The following HSD11B1 variants were observed in gnomAD, a reference collection of about 807,000 sequenced individuals.
The protein encoded by HSD11B1 is hydroxysteroid 11-beta dehydrogenase 1.
Under a neutral mutation model 22.1 loss-of-function variants are expected in HSD11B1, and 15 were observed. The ratio of observed to expected loss-of-function variants is 0.68; its 90% CI spans 0.45 to 1.04. HSD11B1 has a LOEUF of 1.04. HSD11B1 is among the 50% of genes least tolerant of loss of function. The probability of loss-of-function intolerance (pLI) is 0.00; values close to 1 mark genes in which losing one functional copy is unlikely to be tolerated. For synonymous variants in HSD11B1, 122 were observed against 125.2 expected, an observed-to-expected ratio of 0.97 and a Z score of 0.17; for missense variants, 281 against 357.6, an observed-to-expected ratio of 0.79 and a Z score of 1.73.
At chr1:209,730,662 T>C (rs1026773949) in intron 4 of HSD11B1, among the ~76,000 whole-genome samples, 6 of 152,198 alleles carry the variant, frequency 3.9e-5, no homozygotes, top group African/African-American at 1.4e-4. Flanking sequence ...TCTAGAATAT[T>C]TTTTGCTATA....
At position 209,734,597 on chromosome 1, in the gene HSD11B1, G is replaced by A. The variant is rs541539060; in HGVS notation, c.*76G>A. The A allele has an allele frequency of 6.4e-6, 7 of 1,090,430 alleles. No homozygotes were observed. The Admixed American group carries it at 1.0e-4, about 16-fold the overall frequency. The allele number at this position is 1,090,430 out of a possible 1,614,324, so 67.5% of individuals were successfully genotyped here. ...CATGTTTATCTGAGCTCTTATCTAT[G>A]AAGACATCTTCCCAGAGTGTCCCCA... On this transcript the variant is annotated 3_prime_UTR_variant, in exon 6 of 6. Coordinates refer to ENST00000367027, the MANE Select transcript of HSD11B1 (RefSeq NM_005525.4).
At chr1:209,691,200 T>C (rs1169423213) in intron 1 of HSD11B1, among the ~76,000 whole-genome samples, 1 of 152,090 alleles carries the variant, frequency 6.6e-6, no homozygotes, top group Non-Finnish European at 1.5e-5. Flanking sequence ...AAAACTTACC[T>C]AGAAATCCTT....
intron 4 of HSD11B1, among the ~76,000 whole-genome samples, chr1:209,722,927 G>A (rs957401068): frequency 2.0e-5 from 3 of 152,158 alleles, no homozygotes; most frequent in Non-Finnish European, 2.9e-5. Flanking sequence ...GGGTAGAGAG[G>A]GGATGAACGA....
Position 209,730,807 on chromosome 1 carries a change from C to T in HSD11B1, c.518-1629C>T, listed in dbSNP as rs143250542. On this transcript the variant is annotated intron_variant, in intron 4 of 5. Coordinates refer to ENST00000367027, the MANE Select transcript of HSD11B1 (RefSeq NM_005525.4). Reference sequence around the variant, plus strand: ...TTGAAACATATAGAAATTCCAATTCCGATAACTGCAAGAGTGGCACCCGAA... The same window carrying T: ...TTGAAACATATAGAAATTCCAATTCTGATAACTGCAAGAGTGGCACCCGAA... Among the ~76,000 whole-genome samples, 453 of 152,218 alleles carry T rather than the reference C, an allele frequency of 3.0e-3. 3 individuals are homozygous for T. Among genetic ancestry groups the T allele is most frequent in the African/African-American group, 0.011 (436 of 41,522 alleles).
intron 5 of HSD11B1, among the ~76,000 whole-genome samples, chr1:209,733,394 G>A (rs1209171954): frequency 1.3e-5 from 2 of 152,126 alleles, no homozygotes; most frequent in African/African-American, 4.8e-5. Context: ...GACAAGGAAA[G>A]GCTGAAGAAC....
intron 4 of HSD11B1, among the ~76,000 whole-genome samples, chr1:209,707,679 T>C (rs915237024): frequency 2.0e-5 from 3 of 151,878 alleles, no homozygotes; most frequent in Middle Eastern, 3.5e-3. Context: ...GAGTGCCTAT[T>C]GGAAGCCTGA....
chr1:209,717,387 A>G (rs144209127), intron 4 of HSD11B1, among the ~76,000 whole-genome samples: 3 of 152,342 alleles, frequency 2.0e-5, no homozygotes, highest in Non-Finnish European at 4.4e-5. Context: ...ATTATCAGAA[A>G]GACAAAACAT....
chr1:209,717,871 C>CA (rs1015577238), intron 4 of HSD11B1, among the ~76,000 whole-genome samples: 7,465 of 37,470 alleles, frequency 0.2, 1,150 homozygotes, highest in African/African-American at 0.45. Flanking sequence ...GACTCCATCT[C>CA]AAAAAAAAAA....
intron 1 of HSD11B1, among the ~76,000 whole-genome samples, chr1:209,689,263 G>T (rs771038308): frequency 1.3e-5 from 2 of 152,130 alleles, no homozygotes; most frequent in Non-Finnish European, 2.9e-5. Flanking sequence ...ACACTAAGCA[G>T]AAGAATTAAG....
chr1:209,732,734 G>A (rs985406826), intron 5 of HSD11B1, among the ~76,000 whole-genome samples, 155 bp downstream of exon 5: 22 of 152,026 alleles, frequency 1.4e-4, no homozygotes, highest in Non-Finnish European at 2.5e-4. Flanking sequence ...ATCTCCTAAT[G>A]CTATCCCTCC....
At chr1:209,687,530 T>C (rs972723858) in intron 1 of HSD11B1, among the ~76,000 whole-genome samples, 3 of 152,218 alleles carry the variant, frequency 2.0e-5, no homozygotes, top group Admixed American at 6.5e-5. Context: ...AGAACAAATA[T>C]TAAAGGTAAT....
At chr1:209,687,838 G>GT (rs1339663648) in intron 1 of HSD11B1, among the ~76,000 whole-genome samples, 2 of 152,184 alleles carry the variant, frequency 1.3e-5, no homozygotes, top group African/African-American at 4.8e-5. Flanking sequence ...CAATAGTTTA[G>GT]TTTTTCCAGA....
At chr1:209,689,182 A>G (rs1357442349) in intron 1 of HSD11B1, among the ~76,000 whole-genome samples, 1 of 152,136 alleles carries the variant, frequency 6.6e-6, no homozygotes, top group Non-Finnish European at 1.5e-5. Context: ...TCCCCAGCCC[A>G]TTTTACTGGC....
intron 1 of HSD11B1, among the ~76,000 whole-genome samples, chr1:209,696,372 TA>T (rs2076791649): frequency 1.3e-5 from 2 of 152,200 alleles, no homozygotes; most frequent in Non-Finnish European, 2.9e-5. Context: ...ATAAAGCCGT[TA>T]AAAAATAATC....
At chr1:209,691,922 A>G (rs1324856877) in intron 1 of HSD11B1, among the ~76,000 whole-genome samples, 2 of 152,200 alleles carry the variant, frequency 1.3e-5, no homozygotes, top group Non-Finnish European at 2.9e-5. Context: ...GGGAAAATAA[A>G]TTAAGATTTA....
chr1:209,701,651 G>A (rs2102365091), upstream of HSD11B1, among the ~76,000 whole-genome samples: 1 of 152,324 alleles, frequency 6.6e-6, no homozygotes, highest in South Asian at 2.1e-4. Context: ...TCAAATGGGA[G>A]CACTTGCTTA....
chr1:209,719,599 T>C (rs1415198825), intron 4 of HSD11B1, among the ~76,000 whole-genome samples: 1 of 152,186 alleles, frequency 6.6e-6, no homozygotes, highest in Non-Finnish European at 1.5e-5. Flanking sequence ...GATGTTCCTC[T>C]CCCAGTGTCC....
chr1:209,707,126 C>T lies in HSD11B1; in HGVS notation c.515C>T (p.Ala172Val). The change falls in exon 4 of 6, where the codon GCT (alanine) becomes GTT (valine). Residue 172 changes from alanine to valine, a missense_variant and splice_region_variant. Physicochemically the swap from Ala to Val is moderately conservative, Grantham distance 64. Coordinates refer to ENST00000367027, the MANE Select transcript of HSD11B1 (RefSeq NM_005525.4). Reference protein sequence around the residue: ...NGSIVVVSSLAGKVAYPMVAA... With the variant: ...NGSIVVVSSLVGKVAYPMVAA... ...AGCATTGTTGTCGTCTCCTCTCTGG[C>T]TGGTAAGTGGGACAGGGACATATGT... 6.2e-7 allele frequency: 1 copy of T among 1,612,712 alleles called. No individual in the cohort carries two copies. The highest frequency in any genetic ancestry group is 8.5e-7 in the Non-Finnish European group (1 of 1,179,218).
upstream of HSD11B1, chr1:209,686,213 G>A (rs980185499): frequency 4.6e-5 from 7 of 152,204 alleles, no homozygotes; most frequent in East Asian, 1.4e-3. Context: ...GAGGAGGAGG[G>A]AGAGAGAGAG....
Sources: gnomAD v4.1 joint callset for allele counts (sites outside exome capture counted in the v4.1 genomes callset) on GRCh38, gnomAD v4.1.1 for gene constraint, MANE v1.5 for transcripts, NCBI Gene and HGNC (gene_info 2026-07-23, HGNC 2026-07-21) for gene names.